The following SETBP1 variants were observed in gnomAD, a reference collection of about 807,000 sequenced individuals.
SETBP1 encodes SET-binding protein.
Under a neutral mutation model 101.0 loss-of-function variants are expected in SETBP1, and 9 were observed. That is an observed-to-expected ratio of 0.09 (90% confidence interval 0.05 to 0.16). SETBP1 has a LOEUF of 0.16. Among genes scored for constraint, SETBP1 ranks in the 10% least tolerant of loss-of-function variants. SETBP1 has a pLI of 1.00. For missense variants in SETBP1, 1,858 were observed against 2,033.8 expected (o/e 0.91, Z 1.66); for synonymous variants, 818 against 788.5 (o/e 1.04, Z -0.63).
chr18:44,802,691 T>G (rs778871572), intron 2 of SETBP1, among the ~76,000 whole-genome samples: 35 of 152,082 alleles, frequency 2.3e-4, no homozygotes, highest in Admixed American at 1.1e-3. Flanking sequence ...CTATGTGTGG[T>G]TTGTCTCACA....
At chr18:45,006,260 T>G (rs188978437) in intron 4 of SETBP1, among the ~76,000 whole-genome samples, 2 of 152,236 alleles carry the variant, frequency 1.3e-5, no homozygotes, top group Admixed American at 1.3e-4. Flanking sequence ...CCAAAAATCT[T>G]TCTCAACCAG....
intron 3 of SETBP1, chr18:44,872,065 G>A (rs1396841483): frequency 1.3e-5 from 2 of 152,098 alleles, no homozygotes. Context: ...AGACACACTT[G>A]AGTACCCTCC....
At chr18:44,945,488 AT>A (rs1192509686) in intron 3 of SETBP1, among the ~76,000 whole-genome samples, 10 of 152,228 alleles carry the variant, frequency 6.6e-5, no homozygotes, top group Admixed American at 6.5e-4. Context: ...CTCAATGTAC[AT>A]GGAAAACATT....
In SETBP1 at chr18:44,953,066, G is replaced by T. The variant is rs1264840670; in HGVS notation, c.3726G>T (p.Trp1242Cys). 1 of 1,614,204 alleles carries T rather than the reference G, an allele frequency of 6.2e-7. No individual in the cohort carries two copies. Among genetic ancestry groups the T allele is most frequent in the Non-Finnish European group, 8.5e-7 (1 of 1,180,044 alleles). Residue 1242 changes from tryptophan (W) to cysteine (C), a missense_variant, in exon 4 of 6, where the codon TGG (tryptophan) becomes TGT (cysteine). By Grantham distance (215) the Trp-to-Cys change is radical. Coordinates refer to ENST00000649279, the MANE Select transcript of SETBP1 (RefSeq NM_015559.3). Reference sequence around the variant, plus strand: ...TGTCACTTTCCGACGCCCAGCATTGGACACAGGCCAAGGAAAAAGGAGACT... The same window carrying T: ...TGTCACTTTCCGACGCCCAGCATTGTACACAGGCCAAGGAAAAAGGAGACT... ...STLSLSDAQH[W>C]TQAKEKGDLS...
chr18:44,903,586 A>T (rs1371815945), intron 3 of SETBP1, among the ~76,000 whole-genome samples: 1 of 152,210 alleles, frequency 6.6e-6, no homozygotes, highest in Non-Finnish European at 1.5e-5. Flanking sequence ...TGCCCTCAAA[A>T]ACTTGATAAA....
chr18:45,048,377 C>T (rs1346039164), intron 5 of SETBP1, among the ~76,000 whole-genome samples: 1 of 152,208 alleles, frequency 6.6e-6, no homozygotes, highest in South Asian at 2.1e-4. Flanking sequence ...ATGAAACCCT[C>T]TCATGTCAGA....
At chr18:45,013,996 CTCTT>C (rs1483479543) in intron 4 of SETBP1, among the ~76,000 whole-genome samples, 1 of 151,764 alleles carries the variant, frequency 6.6e-6, no homozygotes, top group African/African-American at 2.4e-5. Context: ...AATCCATTCA[CTCTT>C]TCATTCAATA....
rs1031579815 is a variant in SETBP1, at chr18:44,857,625, C to T, written c.487-11605C>T. Among the ~76,000 whole-genome samples, 13 of 152,254 alleles carry T rather than the reference C, an allele frequency of 8.5e-5. No individual in the cohort carries two copies. In the East Asian group the frequency reaches 2.1e-3, roughly 25 times the overall value. On this transcript the variant is annotated intron_variant, in intron 2 of 5. Coordinates refer to ENST00000649279, the MANE Select transcript of SETBP1 (RefSeq NM_015559.3). ...TTTCAGACTAACTTCGCAGCTACTT[C>T]CAGTCCTGCTGATGTAGGATCTGTG...
At chr18:44,939,888 A>G (rs1270979736) in intron 3 of SETBP1, among the ~76,000 whole-genome samples, 4 of 152,170 alleles carry the variant, frequency 2.6e-5, no homozygotes, top group African/African-American at 9.7e-5. Flanking sequence ...CGTATTTTGC[A>G]GTTGTTGGGT....
At chr18:44,686,823 C>A (rs1329865818) in intron 1 of SETBP1, among the ~76,000 whole-genome samples, 1 of 152,174 alleles carries the variant, frequency 6.6e-6, no homozygotes, top group African/African-American at 2.4e-5. Flanking sequence ...AAAAGTTTCT[C>A]CCTTAAAGTT....
intron 2 of SETBP1, among the ~76,000 whole-genome samples, chr18:44,812,048 A>T (rs2071874195): frequency 6.6e-6 from 1 of 152,022 alleles, no homozygotes; most frequent in Admixed American, 6.6e-5. Flanking sequence ...CCATCAACAT[A>T]CCCAGGGCTT....
intron 3 of SETBP1, 130 bp downstream of exon 3, chr18:44,869,413 T>G: frequency 1.2e-6 from 1 of 831,546 alleles, no homozygotes; most frequent in Admixed American, 1.8e-5. Flanking sequence ...CCTAGCTAAC[T>G]GACAATGACC....
chr18:45,049,983 A>C (rs1159528232), intron 5 of SETBP1, among the ~76,000 whole-genome samples: 4 of 152,178 alleles, frequency 2.6e-5, no homozygotes, highest in African/African-American at 9.7e-5. Flanking sequence ...CTTTGAAATG[A>C]GGCAGCAGTT....
At chr18:44,773,435 C>G (rs1014556742) in intron 2 of SETBP1, among the ~76,000 whole-genome samples, 1 of 152,166 alleles carries the variant, frequency 6.6e-6, no homozygotes, top group Non-Finnish European at 1.5e-5. Context: ...AAAGAGGAAC[C>G]CCAGGAGACA....
At chr18:44,938,422 G>T (rs1343804128) in intron 3 of SETBP1, among the ~76,000 whole-genome samples, 3 of 152,190 alleles carry the variant, frequency 2.0e-5, no homozygotes, top group Non-Finnish European at 2.9e-5. Flanking sequence ...CAAGTTTCAG[G>T]GTGATTAGAA....
chr18:44,866,311 G>A (rs777351440), intron 2 of SETBP1, among the ~76,000 whole-genome samples: 13 of 152,302 alleles, frequency 8.5e-5, no homozygotes, highest in Non-Finnish European at 1.8e-4. Flanking sequence ...GTTTCCTTTT[G>A]TTGGCTTGGA....
intron 4 of SETBP1, among the ~76,000 whole-genome samples, chr18:45,031,726 A>G (rs947004869): frequency 1.3e-5 from 2 of 152,160 alleles, no homozygotes; most frequent in Non-Finnish European, 2.9e-5. Flanking sequence ...AGGAAGTGAG[A>G]CATGGTTTGT....
chr18:44,742,975 CCCT>C (rs1351868423), intron 2 of SETBP1, among the ~76,000 whole-genome samples: 5 of 140,432 alleles, frequency 3.6e-5, no homozygotes, highest in South Asian at 2.3e-4. Context: ...CTCTCTCCCC[CCCT>C]GTCCCGTTAC....
intron 3 of SETBP1, among the ~76,000 whole-genome samples, chr18:44,931,267 C>T (rs1304262000): frequency 3.9e-5 from 6 of 152,170 alleles, no homozygotes; most frequent in Admixed American, 1.3e-4. Context: ...GTTTCTTAAT[C>T]CTGAGTTCTA....
Sources: gnomAD v4.1 joint callset for allele counts (sites outside exome capture counted in the v4.1 genomes callset) on GRCh38, gnomAD v4.1.1 for gene constraint, MANE v1.5 for transcripts, NCBI Gene and HGNC (gene_info 2026-07-23, HGNC 2026-07-21) for gene names.